DNAJC5: variants seen among roughly 807,000 people sequenced by gnomAD.
The protein encoded by DNAJC5 is dnaJ homolog subfamily C member 5.
Under a neutral mutation model 23.2 loss-of-function variants are expected in DNAJC5, and 1 was observed. The observed-to-expected ratio is 0.04, with a 90% CI of 0.02 to 0.20. DNAJC5 has a LOEUF of 0.20. Among genes scored for constraint, DNAJC5 ranks in the 10% least tolerant of loss-of-function variants. The probability of loss-of-function intolerance (pLI) is 1.00; values close to 1 mark genes in which losing one functional copy is unlikely to be tolerated. For synonymous variants in DNAJC5, 136 were observed against 120.0 expected (o/e 1.13, Z -0.87); for missense variants, 180 against 267.0 (o/e 0.67, Z 2.27).
At chr20:63,906,507 G>A (rs950753475) in intron 1 of DNAJC5, among the ~76,000 whole-genome samples, 16 of 151,544 alleles carry the variant, frequency 1.1e-4, no homozygotes, top group Non-Finnish European at 2.2e-4. Flanking sequence ...ATTAATAGCC[G>A]AGCACGCTGG....
chr20:63,911,383 G>A (rs973853670), intron 1 of DNAJC5, among the ~76,000 whole-genome samples: 1 of 152,162 alleles, frequency 6.6e-6, no homozygotes, highest in African/African-American at 2.4e-5. Context: ...GCAGGCGTTC[G>A]TTTTCTGTGG....
intron 1 of DNAJC5, among the ~76,000 whole-genome samples, chr20:63,915,252 C>G (rs777089300): frequency 1.2e-4 from 18 of 151,708 alleles, no homozygotes; most frequent in Admixed American, 2.0e-4. Flanking sequence ...ATTTCTTGAA[C>G]AAAAAAGGGG....
chr20:63,919,430 A>C (rs774896758), intron 1 of DNAJC5: 1 of 486,594 alleles, frequency 2.1e-6, no homozygotes, highest in Non-Finnish European at 4.1e-6. Context: ...AGCGCCACGG[A>C]AGAGGACACA....
intron 1 of DNAJC5, among the ~76,000 whole-genome samples, chr20:63,905,255 G>T (rs1600862075): frequency 6.6e-6 from 1 of 150,576 alleles, no homozygotes; most frequent in East Asian, 2.0e-4. Flanking sequence ...AGCTGGAACT[G>T]CAGGTGTGCA....
intron 1 of DNAJC5, among the ~76,000 whole-genome samples, chr20:63,927,323 G>T (rs953608568): frequency 3.9e-5 from 6 of 152,194 alleles, no homozygotes; most frequent in Admixed American, 1.3e-4. Context: ...TCAGCCTGAG[G>T]TCGGGAATTC....
At chr20:63,923,453 A>C (rs1568986010) in intron 1 of DNAJC5, among the ~76,000 whole-genome samples, 1 of 150,172 alleles carries the variant, frequency 6.7e-6, no homozygotes, top group Non-Finnish European at 1.5e-5. Flanking sequence ...AAAAAAAAAA[A>C]TTAGGCTGGG....
rs1469946949 is a variant in DNAJC5 at position 63,933,306 on chromosome 20, C to G, written c.*1738C>G. On this transcript the variant is annotated 3_prime_UTR_variant, in exon 5 of 5. Transcript: ENST00000360864. The stretch of plus-strand genomic sequence containing the variant: ...TTGACCAGGAAGCTGCCAAAAGGGA[C>G]ATGGATATGAGGATACATCTGGACG... 3 of 152,382 alleles carry G rather than the reference C, an allele frequency of 2.0e-5. No homozygotes were observed. Among genetic ancestry groups the G allele is most frequent in the Non-Finnish European group, 4.4e-5 (3 of 68,090 alleles). 9.4% of individuals were successfully genotyped at this position (152,382 alleles called of 1,614,324 possible).
rs1295737844 is a variant in DNAJC5 at position 63,933,996 on chromosome 20, A to T, written c.*2428A>T. The stretch of plus-strand genomic sequence containing the variant: ...GCAGGTCTGGAGGTTTGTGGAACCC[A>T]GTCCCCTGCAGAATCTGTAAAACCT... On this transcript the variant is annotated 3_prime_UTR_variant, in exon 5 of 5. Transcript: ENST00000360864. 6.6e-6 allele frequency: 1 copy of T among 152,342 alleles called. No individual in the cohort carries two copies. The highest frequency in any genetic ancestry group is 1.5e-5 in the Non-Finnish European group (1 of 68,058). The allele number at this position is 152,342 out of a possible 1,614,324, so 9.4% of individuals were successfully genotyped here.
rs1040874026 is a variant in DNAJC5 at position 63,931,923 on chromosome 20, C to T, written c.*355C>T. The T allele has an allele frequency of 3.5e-5, 13 of 370,224 alleles. No individual in the cohort carries two copies. The highest frequency in any genetic ancestry group is 2.7e-4 in the South Asian group (12 of 45,258). The allele number at this position is 370,224 out of a possible 1,614,324, so 22.9% of individuals were successfully genotyped here. On this transcript the variant is annotated 3_prime_UTR_variant, in exon 5 of 5. Coordinates refer to ENST00000360864, the MANE Select transcript of DNAJC5 (RefSeq NM_025219.3). The surrounding 1 kb of genome is among the most constrained non-coding windows in gnomAD (Gnocchi z 9.6). Reference sequence around the variant, plus strand: ...TGGTCCAGTGAGGGGTGACTGCAGCCGGTCAGGTGGGCGAGGAGAAGGGGG... The same window carrying T: ...TGGTCCAGTGAGGGGTGACTGCAGCTGGTCAGGTGGGCGAGGAGAAGGGGG...
At position 63,929,812 on chromosome 20, in the gene DNAJC5, G is replaced by A. The variant is rs570181415; in HGVS notation, c.321+287G>A. ...GTTCCCAGCATTGCAGAGCCCATGC[G>A]TTGATGCCAGCAACTCTACACTCCT... On this transcript the variant is annotated intron_variant, in intron 3 of 4. Coordinates refer to ENST00000360864, the MANE Select transcript of DNAJC5 (RefSeq NM_025219.3). This position sits in a 1 kb window ranked among gnomAD's most constrained non-coding sequence, Gnocchi z 8.6. Among the ~76,000 whole-genome samples, 3 of 152,260 alleles carry A rather than the reference G, an allele frequency of 2.0e-5. No individual in the cohort carries two copies. The highest frequency in any genetic ancestry group is 4.8e-5 in the African/African-American group (2 of 41,480).
intron 1 of DNAJC5, among the ~76,000 whole-genome samples, chr20:63,922,853 G>C (rs1281048954): frequency 6.6e-6 from 1 of 151,998 alleles, no homozygotes; most frequent in Admixed American, 6.6e-5. Flanking sequence ...AAAAATCTAG[G>C]TTTTAGCCGG....
intron 1 of DNAJC5, among the ~76,000 whole-genome samples, chr20:63,904,115 A>G (rs374076764): frequency 3.9e-5 from 6 of 152,172 alleles, no homozygotes; most frequent in African/African-American, 7.2e-5. Flanking sequence ...TTTGTTGAAC[A>G]GGTGTTCTGG....
chr20:63,919,695 G>A (rs111246522), intron 1 of DNAJC5: 14 of 433,278 alleles, frequency 3.2e-5, no homozygotes, highest in Non-Finnish European at 5.2e-5. Context: ...CCCAGGGCCC[G>A]GGACAGCGCC....
At position 63,931,240 on chromosome 20, in the gene DNAJC5, G is replaced by A; in HGVS notation, c.493+218G>A. On this transcript the variant is annotated intron_variant, in intron 4 of 4. Transcript: ENST00000360864. The surrounding 1 kb of genome is among the most constrained non-coding windows in gnomAD (Gnocchi z 9.6). ...GACCTGCGGTAGCCGTAGATCCCAG[G>A]GACTGCGAGGCGGGGCAGGGCGGCA... 1 of 787,196 alleles carries A rather than the reference G, an allele frequency of 1.3e-6. No individual in the cohort carries two copies. The highest frequency in any genetic ancestry group is 2.2e-6 in the Non-Finnish European group (1 of 464,602). The allele number at this position is 787,196 out of a possible 1,614,324, so 48.8% of individuals were successfully genotyped here.
rs113112644 is a variant in DNAJC5 at position 63,908,075 on chromosome 20, C to T, written c.-12+12752C>T. ...GCCACTGCGCCTGGCCCTGAAATTT[C>T]GCATGTTTTACGGTTGGCTTGTTAG... On this transcript the variant is annotated intron_variant, in intron 1 of 4. Coordinates refer to ENST00000360864, the MANE Select transcript of DNAJC5 (RefSeq NM_025219.3). 7.3e-3 allele frequency among the ~76,000 whole-genome samples: 1,117 copies of T among 152,306 alleles called. 6 individuals carry two copies. Among genetic ancestry groups the T allele is most frequent in the African/African-American group, 0.02 (846 of 41,576 alleles).
chr20:63,929,552 G>A lies in DNAJC5; in HGVS notation c.321+27G>A. 1.2e-6 allele frequency: 2 copies of A among 1,610,914 alleles called. No homozygotes were observed. Among genetic ancestry groups the A allele is most frequent in the Non-Finnish European group, 8.5e-7 (1 of 1,179,172 alleles). The stretch of plus-strand genomic sequence containing the variant: ...TGAGGGCGAGCTGCCTGCCGTGCGG[G>A]CACCCGAGTCACTCCTGCCGTGCGG... On this transcript the variant is annotated intron_variant, in intron 3 of 4. Transcript: ENST00000360864. This position sits in a 1 kb window ranked among gnomAD's most constrained non-coding sequence, Gnocchi z 8.6.
In DNAJC5 at chr20:63,928,532, A is replaced by C. The variant is rs1047939687; in HGVS notation, c.107+80A>C. The C allele has an allele frequency of 1.5e-5, 18 of 1,198,976 alleles. No individual in the cohort carries two copies. Among genetic ancestry groups the C allele is most frequent in the Non-Finnish European group, 2.2e-5 (18 of 807,856 alleles). The allele number at this position is 1,198,976 out of a possible 1,614,324, so 74.3% of individuals were successfully genotyped here. A position where few individuals can be genotyped will look rare whatever the true frequency, so the allele number is the denominator to read the frequency against. ...GTGGTTTAGTCTGCATTTTACCAAG[A>C]ACCATTGCACATACTTTATCCTGGC... On this transcript the variant is annotated intron_variant, in intron 2 of 4. Coordinates refer to ENST00000360864, the MANE Select transcript of DNAJC5 (RefSeq NM_025219.3). The surrounding 1 kb of genome is among the most constrained non-coding windows in gnomAD (Gnocchi z 4.6).
At position 63,925,873 on chromosome 20, in the gene DNAJC5, G is replaced by A. The variant is rs191199078; in HGVS notation, c.-11-2462G>A. Reference sequence around the variant, plus strand: ...GACGGAGTCTCGCTGTGTCGCCCAGGCTGGAGTGCAGTGGTGCGATCTCTG... The same window carrying A: ...GACGGAGTCTCGCTGTGTCGCCCAGACTGGAGTGCAGTGGTGCGATCTCTG... On this transcript the variant is annotated intron_variant, in intron 1 of 4. Coordinates refer to ENST00000360864, the MANE Select transcript of DNAJC5 (RefSeq NM_025219.3). 7.4e-5 allele frequency among the ~76,000 whole-genome samples: 11 copies of A among 149,576 alleles called. No homozygotes were observed. The East Asian group carries it at 1.6e-3, about 21-fold the overall frequency.
intron 1 of DNAJC5, among the ~76,000 whole-genome samples, chr20:63,923,169 A>G (rs2053585724): frequency 6.7e-6 from 1 of 149,140 alleles, no homozygotes; most frequent in Admixed American, 6.7e-5. Flanking sequence ...AATAAGTCAC[A>G]TTTTGGTGAG....
Sources: allele counts gnomAD v4.1 joint callset (sites outside exome capture counted in the v4.1 genomes callset), GRCh38; gene constraint gnomAD v4.1.1; non-coding constraint Gnocchi (gnomAD v3.1); transcripts MANE v1.5; gene names NCBI Gene and HGNC (gene_info 2026-07-23, HGNC 2026-07-21).